Variants in EYS observed in about 807,000 individuals in gnomAD.
EYS encodes the protein protein eyes shut homolog.
A neutral mutation model predicts 282.1 loss-of-function variants in EYS; 250 were observed. The ratio of observed to expected loss-of-function variants is 0.89; its 90% CI spans 0.80 to 0.98. The LOEUF is 0.98. Ranked by LOEUF, EYS falls within the 50% of genes least tolerant of loss-of-function variation. The pLI is 0.00. For synonymous variants in EYS, 1,355 were observed against 1,282.9 expected (o/e 1.06, Z -1.20); for missense variants, 4,016 against 3,709.0 (o/e 1.08, Z -2.15).
chr6:64,590,298 G>T lies in EYS; in HGVS notation c.5569C>A (p.His1857Asn). 6.4e-7 allele frequency: 1 copy of T among 1,551,162 alleles called. No individual in the cohort carries two copies. The highest frequency in any genetic ancestry group is 1.2e-5 in the South Asian group (1 of 84,044). ...GTAAGAGATCTAGTGAAGGGAAGATGCCGGCTTGCAGTGGGAAATTCCTGA... is the reference window on the plus strand; with the variant it reads ...GTAAGAGATCTAGTGAAGGGAAGATTCCGGCTTGCAGTGGGAAATTCCTGA... ...QYQEFPTASR[H>N]LPFTRSLTLS... is the part of the protein sequence containing the mutation. Residue 1857 changes from histidine (H) to asparagine (N), a missense_variant, in exon 26 of 43, where the codon CAT (histidine) becomes AAT (asparagine). Transcript: ENST00000503581.
intron 35 of EYS, among the ~76,000 whole-genome samples, chr6:63,966,186 A>G (rs771642437): frequency 3.3e-5 from 5 of 152,226 alleles, no homozygotes; most frequent in Non-Finnish European, 5.9e-5. Context: ...ACTCAGCCAT[A>G]AAAATAAATG....
chr6:63,964,286 T>C lies in EYS; in HGVS notation c.7055+20097A>G, dbSNP rs148228633. On this transcript the variant is annotated intron_variant, in intron 35 of 42. Transcript: ENST00000503581. ...CCCACTGTTTCTTATGCTGTGCATC[T>C]TAGCAAGATTAGTTCAGATCTTAAA... is the stretch of plus-strand genomic sequence containing the variant. Among the ~76,000 whole-genome samples the C allele has an allele frequency of 4.9e-3, 744 of 152,346 alleles. 2 individuals are homozygous for C. The highest frequency in any genetic ancestry group is 7.5e-3 in the Non-Finnish European group (511 of 68,026).
chr6:64,145,617 C>T (rs1774488722), intron 31 of EYS, among the ~76,000 whole-genome samples: 1 of 152,094 alleles, frequency 6.6e-6, no homozygotes. Context: ...AGAATAAGTA[C>T]ATGCTTAAAA....
intron 22 of EYS, among the ~76,000 whole-genome samples, chr6:64,689,832 T>C (rs960192942): frequency 2.0e-5 from 3 of 151,892 alleles, no homozygotes; most frequent in Non-Finnish European, 2.9e-5. Flanking sequence ...CAATTCAAGA[T>C]GGATTAAAGA....
At chr6:65,694,743 A>G (rs977456080) in intron 1 of EYS, among the ~76,000 whole-genome samples, 2 of 30,210 alleles carry the variant, frequency 6.6e-5, no homozygotes, top group Non-Finnish European at 3.0e-4. Context: ...TTGTAGATTT[A>G]AAAAAAAAAA....
chr6:64,022,522 C>T (rs538036367), intron 33 of EYS, among the ~76,000 whole-genome samples: 1 of 152,144 alleles, frequency 6.6e-6, no homozygotes, highest in Non-Finnish European at 1.5e-5. Context: ...TTCATCACAA[C>T]AAAAAGAAAC....
intron 8 of EYS, among the ~76,000 whole-genome samples, chr6:65,378,087 T>A (rs1765447803): frequency 6.6e-6 from 1 of 152,004 alleles, no homozygotes; most frequent in Non-Finnish European, 1.5e-5. Context: ...ATCATCAGAG[T>A]GAACAGGCAA....
At chr6:64,021,079 T>C (rs1193878328) in intron 33 of EYS, among the ~76,000 whole-genome samples, 1 of 152,188 alleles carries the variant, frequency 6.6e-6, no homozygotes. Flanking sequence ...AAAAGCATTT[T>C]CTTAATTGAG....
At chr6:65,097,017 A>G (rs1480426612) in intron 12 of EYS, among the ~76,000 whole-genome samples, 1 of 151,098 alleles carries the variant, frequency 6.6e-6, no homozygotes, top group Non-Finnish European at 1.5e-5. Flanking sequence ...ATCAAAGTAA[A>G]AATCTTCTAC....
intron 34 of EYS, among the ~76,000 whole-genome samples, chr6:63,986,943 C>CAAAAAAAACA (rs67327695): frequency 1.3e-5 from 2 of 150,536 alleles, no homozygotes; most frequent in African/African-American, 4.9e-5. Context: ...AGTTAAAAAA[C>CAAAAAAAACA]AAAAAAAAGA....
chr6:64,135,988 T>C (rs796371591), intron 31 of EYS, among the ~76,000 whole-genome samples: 12 of 152,220 alleles, frequency 7.9e-5, no homozygotes, highest in African/African-American at 2.6e-4. Flanking sequence ...TGCAGTTTGA[T>C]GGCATTTTAC....
At chr6:63,991,699 T>C (rs1460947059) in intron 34 of EYS, among the ~76,000 whole-genome samples, 1 of 151,450 alleles carries the variant, frequency 6.6e-6, no homozygotes, top group Non-Finnish European at 1.5e-5. Context: ...ATAGAAATAA[T>C]GAATGAAAAC....
chr6:65,329,040 T>C (rs1389053835), intron 11 of EYS, among the ~76,000 whole-genome samples: 1 of 151,236 alleles, frequency 6.6e-6, no homozygotes, highest in Admixed American at 6.6e-5. Flanking sequence ...ATAAAAACGA[T>C]TTAAATATAA....
chr6:64,980,115 C>A (rs1770604009), intron 14 of EYS, among the ~76,000 whole-genome samples: 1 of 151,456 alleles, frequency 6.6e-6, no homozygotes, highest in African/African-American at 2.4e-5. Context: ...AGACTTTCTA[C>A]TCTGAACTGG....
intron 22 of EYS, among the ~76,000 whole-genome samples, chr6:64,772,347 T>A (rs999565769): frequency 6.6e-6 from 1 of 151,872 alleles, no homozygotes; most frequent in Non-Finnish European, 1.5e-5. Context: ...TGTAAGTAGC[T>A]GTATCAGCTT....
At chr6:64,748,097 T>C (rs1772614767) in intron 22 of EYS, among the ~76,000 whole-genome samples, 1 of 152,208 alleles carries the variant, frequency 6.6e-6, no homozygotes, top group South Asian at 2.1e-4. Flanking sequence ...ACAAACTAAC[T>C]ATTGGATTAG....
At position 64,988,600 on chromosome 6, in the gene EYS, A is replaced by C. The variant is rs2150120961; in HGVS notation, c.2259+8982T>G. Among the ~76,000 whole-genome samples, 2 of 151,326 alleles carry C rather than the reference A, an allele frequency of 1.3e-5. 1 individual carries two copies. The highest frequency in any genetic ancestry group is 4.2e-4 in the South Asian group (2 of 4,810). On this transcript the variant is annotated intron_variant, in intron 14 of 42. Coordinates refer to ENST00000503581, the MANE Select transcript of EYS (RefSeq NM_001142800.2). ...CTCTGTCTCTCACTCAGCAATCTGCAATGTTTCAGGCATTGTCATAACTCA... is the reference window on the plus strand; with the variant it reads ...CTCTGTCTCTCACTCAGCAATCTGCCATGTTTCAGGCATTGTCATAACTCA...
intron 10 of EYS, among the ~76,000 whole-genome samples, chr6:65,342,832 T>C (rs1770248504): frequency 6.6e-6 from 1 of 150,910 alleles, no homozygotes; most frequent in South Asian, 2.1e-4. Context: ...AAGTTGGTGA[T>C]TTATATTATA....
intron 22 of EYS, among the ~76,000 whole-genome samples, chr6:64,743,248 A>G (rs1360552100): frequency 1.3e-5 from 2 of 152,226 alleles, no homozygotes; most frequent in South Asian, 2.1e-4. Context: ...TTTGAACCTT[A>G]CTGGTAGTGC....
Sources: allele counts gnomAD v4.1 joint callset (sites outside exome capture counted in the v4.1 genomes callset), GRCh38; gene constraint gnomAD v4.1.1; transcripts MANE v1.5; gene names NCBI Gene and HGNC (gene_info 2026-07-23, HGNC 2026-07-21).